The following LDHAL6A variants were observed in gnomAD, a reference collection of about 807,000 sequenced individuals.
LDHAL6A encodes lactate dehydrogenase A like 6A.
A neutral mutation model predicts 28.2 loss-of-function variants in LDHAL6A; 19 were observed. That is an observed-to-expected ratio of 0.67 (90% CI 0.47 to 0.99). The LOEUF (loss-of-function observed/expected upper bound fraction) is 0.99, where lower values mean the gene tolerates loss of function less well. Among genes scored for constraint, LDHAL6A ranks in the 50% least tolerant of loss-of-function variants. The probability of loss-of-function intolerance (pLI) is 0.00; values close to 1 mark genes in which losing one functional copy is unlikely to be tolerated. For synonymous variants in LDHAL6A, 144 were observed against 134.4 expected, an observed-to-expected ratio of 1.07 and a Z score of -0.49; for missense variants, 372 against 398.6, an observed-to-expected ratio of 0.93 and a Z score of 0.57.
chr11:18,466,262 G>A (rs563708003), intron 3 of LDHAL6A, among the ~76,000 whole-genome samples: 5 of 144,098 alleles, frequency 3.5e-5, no homozygotes, highest in South Asian at 2.3e-4. Flanking sequence ...ATATTAAATC[G>A]TAAACCACCA....
chr11:18,470,794 C>A (rs953874084), intron 3 of LDHAL6A, among the ~76,000 whole-genome samples: 1 of 151,642 alleles, frequency 6.6e-6, no homozygotes, highest in African/African-American at 2.4e-5. Context: ...TCAAGCAATT[C>A]TCCTGCCTCA....
intron 3 of LDHAL6A, among the ~76,000 whole-genome samples, chr11:18,473,578 G>A (rs1849299628): frequency 1.3e-5 from 2 of 152,106 alleles, no homozygotes; most frequent in South Asian, 4.1e-4. Flanking sequence ...TTTACATTTT[G>A]TAGAGACGCG....
At chr11:18,466,844 C>T (rs984097070) in intron 3 of LDHAL6A, among the ~76,000 whole-genome samples, 2 of 152,006 alleles carry the variant, frequency 1.3e-5, no homozygotes, top group Non-Finnish European at 2.9e-5. Context: ...ACAAGGTGGA[C>T]AAACTGAAAA....
At chr11:18,460,594 CAAAA>C (rs34780803) in intron 1 of LDHAL6A, among the ~76,000 whole-genome samples, 2 of 90,342 alleles carry the variant, frequency 2.2e-5, no homozygotes. Context: ...AACTCCGTCT[CAAAA>C]AAAAAAAAAA....
At chr11:18,471,296 G>A (rs1052017973) in intron 3 of LDHAL6A, among the ~76,000 whole-genome samples, 7 of 148,256 alleles carry the variant, frequency 4.7e-5, no homozygotes, top group African/African-American at 1.5e-4. Flanking sequence ...TGCAACCTCC[G>A]CCTCCTGGGT....
intron 2 of LDHAL6A, among the ~76,000 whole-genome samples, chr11:18,465,111 A>C (rs774016422): frequency 1.3e-5 from 2 of 151,326 alleles, no homozygotes; most frequent in Non-Finnish European, 2.9e-5. Context: ...GGACTATAGG[A>C]GTGCACTACT....
intron 1 of LDHAL6A, among the ~76,000 whole-genome samples, chr11:18,461,896 C>T (rs1035044277): frequency 3.3e-5 from 5 of 149,328 alleles, no homozygotes; most frequent in African/African-American, 4.9e-5. Flanking sequence ...CATGGGCTCA[C>T]GCTTGTAACT....
At chr11:18,468,014 CATAT>C (rs1320329256) in intron 3 of LDHAL6A, among the ~76,000 whole-genome samples, 2 of 59,974 alleles carry the variant, frequency 3.3e-5, no homozygotes, top group African/African-American at 8.1e-5. Flanking sequence ...TATATATATA[CATAT>C]ATATACGTAT....
At chr11:18,471,761 T>C (rs1590257967) in intron 3 of LDHAL6A, among the ~76,000 whole-genome samples, 2 of 115,758 alleles carry the variant, frequency 1.7e-5, no homozygotes, top group South Asian at 3.3e-4. Flanking sequence ...CCTGTCTCTA[T>C]TAAAAAAAAA....
In LDHAL6A at chr11:18,476,605, T is replaced by C; in HGVS notation, c.710+104T>C. ...TAAATATATGTTGTTGTATTTCCCA[T>C]ATTTTTATTTGCACTTCTGCTTTTC... On this transcript the variant is annotated intron_variant, in intron 5 of 6. Coordinates refer to ENST00000280706, the MANE Select transcript of LDHAL6A (RefSeq NM_144972.5). 4 of 1,483,844 alleles carry C rather than the reference T, an allele frequency of 2.7e-6. No individual in the cohort carries two copies. The East Asian group carries it at 9.5e-5, about 35-fold the overall frequency. 91.9% of individuals were successfully genotyped at this position (1,483,844 alleles called of 1,614,324 possible).
At chr11:18,476,056 C>G (rs193022713) in intron 4 of LDHAL6A, among the ~76,000 whole-genome samples, 44 of 152,172 alleles carry the variant, frequency 2.9e-4, no homozygotes, top group South Asian at 2.5e-3. Flanking sequence ...TTTTGTCCCC[C>G]CTTAGTGTCT....
intron 1 of LDHAL6A, among the ~76,000 whole-genome samples, chr11:18,462,483 A>G (rs1848941321): frequency 6.6e-6 from 1 of 151,560 alleles, no homozygotes; most frequent in Non-Finnish European, 1.5e-5. Flanking sequence ...TAAAAATACA[A>G]AAAATTAGCC....
At chr11:18,461,181 G>T (rs1444118689) in intron 1 of LDHAL6A, among the ~76,000 whole-genome samples, 1 of 146,296 alleles carries the variant, frequency 6.8e-6, no homozygotes, top group African/African-American at 2.6e-5. Flanking sequence ...ATCTCGCTCT[G>T]TTGCCCAGGC....
Position 18,475,562 on chromosome 11 carries a change from A to G in LDHAL6A, c.515A>G (p.Tyr172Cys), listed in dbSNP as rs1205604028. 1 of 1,614,106 alleles carries G rather than the reference A, an allele frequency of 6.2e-7. No homozygotes were observed. Among genetic ancestry groups the G allele is most frequent in the South Asian group, 1.1e-5 (1 of 91,086 alleles). The change falls in exon 4 of 7, where the codon TAC becomes TGC. Residue 172 changes from tyrosine to cysteine, a missense_variant. Around this residue, in one of 3 missense-constraint regions of LDHAL6A, gnomAD observed 291 missense variants for 302.9 expected, o/e 0.96. Coordinates refer to ENST00000280706, the MANE Select transcript of LDHAL6A (RefSeq NM_144972.5). ...AATCTGGACTCTGCTCGTTTTCGTT[A>G]CTTTATTGGGCAAAGGCTTGGCATC... ...GCNLDSARFR[Y>C]FIGQRLGIHS...
intron 1 of LDHAL6A, among the ~76,000 whole-genome samples, chr11:18,459,142 G>T (rs1848831940): frequency 6.6e-6 from 1 of 152,106 alleles, no homozygotes; most frequent in Admixed American, 6.6e-5. Flanking sequence ...GTCTGTGAGG[G>T]TGTTGCCAAA....
chr11:18,459,696 A>G (rs1237008511), intron 1 of LDHAL6A, among the ~76,000 whole-genome samples: 1 of 152,204 alleles, frequency 6.6e-6, no homozygotes. Flanking sequence ...CACTTTACTC[A>G]GATTTCTTTA....
chr11:18,478,680 A>G, intron 6 of LDHAL6A, 26 bp from the exon 7 acceptor site: 1 of 1,565,510 alleles, frequency 6.4e-7, no homozygotes, highest in Non-Finnish European at 8.7e-7. Flanking sequence ...TTAAAAAAGG[A>G]ATAATTTTTA....
chr11:18,475,498 A>C lies in LDHAL6A; in HGVS notation c.451A>C (p.Ser151Arg). Reference sequence around the variant, plus strand: ...CTTAACTTATGTAGCCTGGAAGTTGAGTGGATTTCCCAAAAACCGTGTTAT... The same window carrying C: ...CTTAACTTATGTAGCCTGGAAGTTGCGTGGATTTCCCAAAAACCGTGTTAT... ...DILTYVAWKL[S>R]GFPKNRVIGS... Residue 151 changes from serine to arginine, a missense_variant, in exon 4 of 7, where the codon AGT becomes CGT. By Grantham distance (110) the Ser-to-Arg change is moderately radical (BLOSUM62 -1). This residue lies in a region of LDHAL6A where 291 missense variants were observed against 302.9 expected (regional missense o/e 0.96). Coordinates refer to ENST00000280706, the MANE Select transcript of LDHAL6A (RefSeq NM_144972.5). 6.2e-7 allele frequency: 1 copy of C among 1,613,890 alleles called. No homozygotes were observed. Among genetic ancestry groups the C allele is most frequent in the Non-Finnish European group, 8.5e-7 (1 of 1,179,908 alleles).
chr11:18,475,489 T>C lies in LDHAL6A; in HGVS notation c.442T>C (p.Trp148Arg), dbSNP rs1565075388. The C allele has an allele frequency of 3.7e-6, 6 of 1,613,798 alleles. No individual in the cohort carries two copies. In the Admixed American group the frequency reaches 1.0e-4, roughly 27 times the overall value. Residue 148 changes from tryptophan (W) to arginine (R), a missense_variant, in exon 4 of 7, where the codon TGG becomes CGG. Transcript: ENST00000280706. The part of the protein sequence containing the change: ...NPVDILTYVA[W>R]KLSGFPKNRV... ...AGTGGATATCTTAACTTATGTAGCC[T>C]GGAAGTTGAGTGGATTTCCCAAAAA...
Sources: allele counts gnomAD v4.1 joint callset (sites outside exome capture counted in the v4.1 genomes callset), GRCh38; gene constraint gnomAD v4.1.1; regional missense constraint gnomAD v4.1.1; transcripts MANE v1.5; gene names NCBI Gene and HGNC (gene_info 2026-07-23, HGNC 2026-07-21).